The following COL27A1 variants were observed in gnomAD, a reference collection of about 807,000 sequenced individuals.
COL27A1 encodes collagen type XXVII alpha 1 chain.
A neutral mutation model predicts 251.3 loss-of-function variants in COL27A1; 106 were observed. The observed-to-expected ratio is 0.42, with a 90% confidence interval of 0.36 to 0.50. COL27A1 has a LOEUF of 0.50. Ranked by LOEUF, COL27A1 falls within the 20% of genes least tolerant of loss-of-function variation. The pLI is 0.00. For missense variants in COL27A1, 2,325 were observed against 2,522.8 expected, an observed-to-expected ratio of 0.92 and a Z score of 1.68; for synonymous variants, 1,000 against 986.3, an observed-to-expected ratio of 1.01 and a Z score of -0.26.
chr9:114,309,244 C>G lies in COL27A1; in HGVS notation c.5218-16C>G. ...GGGGGCAGCCTGAGCCGCTCACTGC[C>G]GTTGCTTCTCTATAGGTCGAGTTTG... On this transcript the variant is annotated splice_polypyrimidine_tract_variant and intron_variant, in intron 59 of 60. Coordinates refer to ENST00000356083, the MANE Select transcript of COL27A1 (RefSeq NM_032888.4). 1 of 1,612,342 alleles carries G rather than the reference C, an allele frequency of 6.2e-7. No homozygotes were observed. The highest frequency in any genetic ancestry group is 8.5e-7 in the Non-Finnish European group (1 of 1,178,418).
chr9:114,297,207 T>C (rs1828314698), intron 49 of COL27A1, among the ~76,000 whole-genome samples: 1 of 152,210 alleles, frequency 6.6e-6, no homozygotes, highest in South Asian at 2.1e-4. Flanking sequence ...AGTTATTATC[T>C]TCAGTTTTAC....
chr9:114,278,617 T>C (rs1203298088), intron 37 of COL27A1, among the ~76,000 whole-genome samples: 1 of 147,076 alleles, frequency 6.8e-6, no homozygotes, highest in Non-Finnish European at 1.5e-5. Flanking sequence ...GATGATGATA[T>C]GGTGGTATGG....
chr9:114,292,292 C>A, intron 49 of COL27A1, 82 bp downstream of exon 49: 1 of 1,024,358 alleles, frequency 9.8e-7, no homozygotes, highest in Non-Finnish European at 1.5e-6. Flanking sequence ...CAAACACATG[C>A]ACACTCATAC....
At position 114,258,497 on chromosome 9, in the gene COL27A1, C is replaced by A. The variant is rs111819240; in HGVS notation, c.3142-44C>A. 1.5e-3 allele frequency: 2,427 copies of A among 1,585,062 alleles called. 24 individuals are homozygous for A. In the African/African-American group the frequency reaches 0.029, roughly 19 times the overall value. Reference sequence around the variant, plus strand: ...CTCCCAGCCCCCCGTGTTGCTCTCACTTCCTAAAAAGGGGCCTCTCCAAAC... The same window carrying A: ...CTCCCAGCCCCCCGTGTTGCTCTCAATTCCTAAAAAGGGGCCTCTCCAAAC... On this transcript the variant is annotated intron_variant, in intron 27 of 60. Coordinates refer to ENST00000356083, the MANE Select transcript of COL27A1 (RefSeq NM_032888.4).
intron 34 of COL27A1, among the ~76,000 whole-genome samples, chr9:114,268,438 G>A (rs969928276): frequency 6.6e-6 from 1 of 152,194 alleles, no homozygotes; most frequent in African/African-American, 2.4e-5. Context: ...CCCTTTTAGG[G>A]CCTTTATGCA....
In COL27A1 at chr9:114,245,935, G is replaced by A. The variant is rs774896662; in HGVS notation, c.2979+25G>A. ...GGTTAGTTAGCAACGGTCTCTGAAT[G>A]AGTGGCTCCATTTATTGGGCCCTTA... On this transcript the variant is annotated intron_variant, in intron 24 of 60. Coordinates refer to ENST00000356083, the MANE Select transcript of COL27A1 (RefSeq NM_032888.4). 1.1e-5 allele frequency: 18 copies of A among 1,608,020 alleles called. No individual in the cohort carries two copies. The South Asian group carries it at 1.5e-4, about 14-fold the overall frequency.
intron 28 of COL27A1, among the ~76,000 whole-genome samples, chr9:114,262,956 T>TTTTC (rs61067474): frequency 6.6e-6 from 1 of 150,416 alleles, no homozygotes; most frequent in East Asian, 2.0e-4. Flanking sequence ...TTTTTTTTTT[T>TTTTC]GAGATGGAGT....
rs140601688 is a variant in COL27A1, at chr9:114,205,134, C to A, written c.2157C>A (p.His719Gln). The change falls in exon 8 of 61, where the codon CAC becomes CAA. Residue 719 changes from histidine to glutamine, a missense_variant. This residue lies in a region of COL27A1 where 1,183 missense variants were observed against 1,144.1 expected (regional missense o/e 1.03). Coordinates refer to ENST00000356083, the MANE Select transcript of COL27A1 (RefSeq NM_032888.4). ...AGGGCTATCCTGGACCGGCAGGGCA[C>A]CCCGGAGAACAGGTGAGGGCCTCAG... ...GHKGYPGPAG[H>Q]PGEQGQPGPE... 1.9e-6 allele frequency: 3 copies of A among 1,613,436 alleles called. No homozygotes were observed. In the South Asian group the frequency reaches 3.3e-5, roughly 18 times the overall value.
chr9:114,168,589 C>T lies in COL27A1; in HGVS notation c.1034C>T (p.Thr345Ile), dbSNP rs1849072780. The change falls in exon 3 of 61, where the codon ACC (threonine) becomes ATC (isoleucine). Residue 345 changes from threonine to isoleucine, a missense_variant. Transcript: ENST00000356083. ...CTCCCAGCCTCTGTTGGCGGCTCTA[C>T]CAGAACGCCTCGCCCTGCGGCCGCT... ...PMLPASVGGS[T>I]RTPRPAAAQP... is the part of the protein sequence containing the mutation. 4 of 1,614,166 alleles carry T rather than the reference C, an allele frequency of 2.5e-6. No individual in the cohort carries two copies. The highest frequency in any genetic ancestry group is 1.1e-5 in the South Asian group (1 of 91,084).
chr9:114,234,713 G>A (rs572760935), intron 16 of COL27A1, among the ~76,000 whole-genome samples: 26 of 152,172 alleles, frequency 1.7e-4, no homozygotes, highest in African/African-American at 5.5e-4. Context: ...CAATTTACTT[G>A]CTGTTTACAC....
At chr9:114,263,125 G>A (rs1834472113) in intron 28 of COL27A1, among the ~76,000 whole-genome samples, 1 of 151,968 alleles carries the variant, frequency 6.6e-6, no homozygotes, top group African/African-American at 2.4e-5. Context: ...TTATAGTAGA[G>A]ATGGGGTTTC....
At chr9:114,157,315 T>A (rs1387298142) in intron 1 of COL27A1, among the ~76,000 whole-genome samples, 3 of 152,212 alleles carry the variant, frequency 2.0e-5, no homozygotes, top group Admixed American at 6.5e-5. Context: ...CATCACGTTG[T>A]CCTGCATCAT....
At chr9:114,190,565 G>T (rs371418824) in intron 5 of COL27A1, among the ~76,000 whole-genome samples, 114 of 152,270 alleles carry the variant, frequency 7.5e-4, no homozygotes, top group African/African-American at 2.6e-3. Context: ...ACCATGCCTG[G>T]CCAGAATTTC....
chr9:114,249,097 G>A (rs1004716824), intron 24 of COL27A1, among the ~76,000 whole-genome samples: 3 of 152,214 alleles, frequency 2.0e-5, no homozygotes. Context: ...ATGAGGCTCA[G>A]AGAGACTGAT....
chr9:114,260,871 A>C (rs183067278), intron 28 of COL27A1, among the ~76,000 whole-genome samples: 63 of 152,194 alleles, frequency 4.1e-4, no homozygotes, highest in Non-Finnish European at 6.3e-4. Flanking sequence ...TAGAGACTTT[A>C]ATTCCTCCTT....
Position 114,253,387 on chromosome 9 carries a change from A to AAGAAAGAAAG in COL27A1, c.3141+456_3141+457insGAAAGAAAGA, listed in dbSNP as rs10652861. ...GAAAGAAAGACGAAAGAAAGAAAGA[A>AAGAAAGAAAG]AAAAGAAAGAGGAAAAAAGACAGAA... On this transcript the variant is annotated intron_variant, in intron 27 of 60. Coordinates refer to ENST00000356083, the MANE Select transcript of COL27A1 (RefSeq NM_032888.4). Among the ~76,000 whole-genome samples the AAGAAAGAAAG allele has an allele frequency of 7.7e-3, 1,119 of 145,230 alleles. 17 individuals are homozygous for AAGAAAGAAAG. The highest frequency in any genetic ancestry group is 0.028 in the African/African-American group (1,053 of 37,770).
chr9:114,209,837 G>A, intron 11 of COL27A1, 109 bp downstream of exon 11: 3 of 1,020,142 alleles, frequency 2.9e-6, no homozygotes, highest in Non-Finnish European at 4.6e-6. Context: ...CCTGGAGGAG[G>A]TGCACTTGAG....
intron 17 of COL27A1, 33 bp downstream of exon 17, chr9:114,235,685 C>G (rs773997434): frequency 1.3e-6 from 2 of 1,530,522 alleles, no homozygotes; most frequent in Admixed American, 1.7e-5. Context: ...TCCCCCTGCC[C>G]CTGCCCCTGC....
chr9:114,264,273 T>A (rs1206106483), intron 28 of COL27A1, 82 bp from the exon 29 acceptor site: 3 of 1,146,926 alleles, frequency 2.6e-6, no homozygotes, highest in Non-Finnish European at 3.6e-6. Context: ...GGCCCCAGGC[T>A]TGGAGCAGCC....
Sources: gnomAD v4.1 joint callset for allele counts (sites outside exome capture counted in the v4.1 genomes callset) on GRCh38, gnomAD v4.1.1 for gene constraint, gnomAD v4.1.1 regional missense constraint, MANE v1.5 for transcripts, NCBI Gene and HGNC (gene_info 2026-07-23, HGNC 2026-07-21) for gene names.